TMEM132C: variants seen among roughly 807,000 people sequenced by gnomAD.
TMEM132C encodes the protein protein phosphatase 1, regulatory subunit 152.
TMEM132C carries 29 observed loss-of-function variants against 61.4 expected under a neutral mutation model. The observed-to-expected ratio is 0.47, with a 90% CI of 0.35 to 0.64. The LOEUF (loss-of-function observed/expected upper bound fraction) is 0.64. Among genes scored for constraint, TMEM132C ranks in the 30% least tolerant of loss-of-function variants. TMEM132C has a pLI of 0.00. For missense variants in TMEM132C, 1,408 were observed against 1,476.9 expected, an observed-to-expected ratio of 0.95 and a Z score of 0.76; for synonymous variants, 656 against 633.1, an observed-to-expected ratio of 1.04 and a Z score of -0.54.
intron 3 of TMEM132C, among the ~76,000 whole-genome samples, chr12:128,593,267 C>T (rs1418585609): frequency 6.6e-6 from 1 of 151,298 alleles, no homozygotes; most frequent in Non-Finnish European, 1.5e-5. Flanking sequence ...TCTTACCTCT[C>T]TCTCTTTCTT....
intron 1 of TMEM132C, among the ~76,000 whole-genome samples, chr12:128,406,968 C>T (rs1386384378): frequency 6.6e-6 from 1 of 152,208 alleles, no homozygotes; most frequent in Non-Finnish European, 1.5e-5. Context: ...AAGTGAGCAT[C>T]ATGATACCCC....
At chr12:128,669,131 T>C (rs1168358823) in intron 4 of TMEM132C, among the ~76,000 whole-genome samples, 7 of 152,214 alleles carry the variant, frequency 4.6e-5, no homozygotes, top group African/African-American at 1.7e-4. Context: ...TTACTTCCAC[T>C]TGGTCTCTGC....
intron 2 of TMEM132C, among the ~76,000 whole-genome samples, chr12:128,486,835 A>C (rs566397724): frequency 6.6e-6 from 1 of 151,180 alleles, no homozygotes; most frequent in Admixed American, 6.6e-5. Context: ...GCATCTCTTT[A>C]AGAATGTGTT....
rs375513600 is a variant in TMEM132C, at chr12:128,415,145, C to T, written c.499C>T (p.Leu167=). 2.7e-5 allele frequency: 43 copies of T among 1,610,638 alleles called. No homozygotes were observed. In the African/African-American group the frequency reaches 5.5e-4, roughly 21 times the overall value. ...GGATGACCACGGCGCCGGGGAGAAGCTGCCATGCCTGAGGGTCTTTGCTTT... is the reference window on the plus strand; with the variant it reads ...GGATGACCACGGCGCCGGGGAGAAGTTGCCATGCCTGAGGGTCTTTGCTTT... ...DWDDHGAGEK[L]PCLRVFAFRE... Residue 167 remains leucine (L), a synonymous_variant, in exon 2 of 9, where the codon CTG becomes TTG. Transcript: ENST00000435159. This position sits in a 1 kb window ranked among gnomAD's most constrained non-coding sequence, Gnocchi z 5.8.
intron 4 of TMEM132C, among the ~76,000 whole-genome samples, chr12:128,658,444 T>C (rs1202495798): frequency 6.6e-6 from 1 of 152,018 alleles, no homozygotes; most frequent in Middle Eastern, 3.2e-3. Context: ...GTCTCCAGCG[T>C]CCTCCTAACC....
intron 1 of TMEM132C, among the ~76,000 whole-genome samples, chr12:128,319,008 G>T (rs552309124): frequency 1.6e-4 from 24 of 152,248 alleles, no homozygotes; most frequent in Non-Finnish European, 2.9e-4. Context: ...ATGACAGTTG[G>T]GTGGATCTTA....
rs540067573 is a variant in TMEM132C at position 128,527,521 on chromosome 12, A to G, written c.975-16436A>G. ...TCTCAAGGAAGCCGCAGTTACCTGT[A>G]AGAAGTTAGAAGTTACTTAAGGAGC... is the stretch of plus-strand genomic sequence containing the variant. On this transcript the variant is annotated intron_variant, in intron 2 of 8. Transcript: ENST00000435159. Among the ~76,000 whole-genome samples, 4 of 152,304 alleles carry G rather than the reference A, an allele frequency of 2.6e-5. No homozygotes were observed. In the East Asian group the frequency reaches 7.7e-4, roughly 29 times the overall value.
At chr12:128,315,329 A>G (rs1327432486) in intron 1 of TMEM132C, among the ~76,000 whole-genome samples, 1 of 152,176 alleles carries the variant, frequency 6.6e-6, no homozygotes, top group Non-Finnish European at 1.5e-5. Flanking sequence ...AGGTATTGCT[A>G]AATGCGCATA....
At position 128,620,234 on chromosome 12, in the gene TMEM132C, A is replaced by G. The variant is rs568015375; in HGVS notation, c.1305+3899A>G. Among the ~76,000 whole-genome samples, 19 of 134,748 alleles carry G rather than the reference A, an allele frequency of 1.4e-4. No individual in the cohort carries two copies. The East Asian group carries it at 4.1e-3, about 29-fold the overall frequency. The allele number at this position is 134,748 out of a possible 152,430, so 88.4% of individuals were successfully genotyped here. The stretch of plus-strand genomic sequence containing the variant: ...GGCAACAGAATGAGACCCTGTCTCA[A>G]AAAAAAAAAAAAAAAAAAAAGGAAT... On this transcript the variant is annotated intron_variant, in intron 4 of 8. Coordinates refer to ENST00000435159, the MANE Select transcript of TMEM132C (RefSeq NM_001136103.3).
At chr12:128,295,792 A>C (rs1183931687) in intron 1 of TMEM132C, among the ~76,000 whole-genome samples, 1 of 152,098 alleles carries the variant, frequency 6.6e-6, no homozygotes, top group African/African-American at 2.4e-5. Flanking sequence ...AAAACCTTAA[A>C]AATTTCTCCT....
rs568424611 is a variant in TMEM132C at position 128,451,566 on chromosome 12, G to C, written c.974+35946G>C. Among the ~76,000 whole-genome samples the C allele has an allele frequency of 9.2e-5, 14 of 152,262 alleles. No individual in the cohort carries two copies. In the South Asian group the frequency reaches 2.9e-3, roughly 32 times the overall value. On this transcript the variant is annotated intron_variant, in intron 2 of 8. Coordinates refer to ENST00000435159, the MANE Select transcript of TMEM132C (RefSeq NM_001136103.3). The stretch of plus-strand genomic sequence containing the variant: ...CCACTCATTTTTCATGAGACCTATT[G>C]TTACTTGGCAGAAAATAAATACACC...
At chr12:128,356,450 A>G (rs569866602) in intron 1 of TMEM132C, among the ~76,000 whole-genome samples, 1 of 152,376 alleles carries the variant, frequency 6.6e-6, no homozygotes, top group East Asian at 1.9e-4. Flanking sequence ...CTGCAGAAAC[A>G]TAATATTAAA....
intron 2 of TMEM132C, among the ~76,000 whole-genome samples, chr12:128,481,021 G>A (rs1377721753): frequency 6.6e-6 from 1 of 152,206 alleles, no homozygotes; most frequent in Non-Finnish European, 1.5e-5. Context: ...CTGGCTCATA[G>A]TAGGTGATTA....
At position 128,668,129 on chromosome 12, in the gene TMEM132C, A is replaced by G. The variant is rs112909674; in HGVS notation, c.1306-1288A>G. 1.3e-3 allele frequency among the ~76,000 whole-genome samples: 193 copies of G among 152,244 alleles called. 1 individual carries two copies. The highest frequency in any genetic ancestry group is 0.01 in the Middle Eastern group (3 of 294). ...CTCTACAAGAAAAGTAAAAAATTAAAATGATCTGGGCATGGTGACACTTGC... is the reference window on the plus strand; with the variant it reads ...CTCTACAAGAAAAGTAAAAAATTAAGATGATCTGGGCATGGTGACACTTGC... On this transcript the variant is annotated intron_variant, in intron 4 of 8. Coordinates refer to ENST00000435159, the MANE Select transcript of TMEM132C (RefSeq NM_001136103.3).
chr12:128,557,390 C>T (rs1416924012), intron 3 of TMEM132C, among the ~76,000 whole-genome samples: 1 of 152,220 alleles, frequency 6.6e-6, no homozygotes, highest in African/African-American at 2.4e-5. Flanking sequence ...ATCAAGTTAA[C>T]AAGTCTCTCA....
chr12:128,331,096 C>G (rs1872654998), intron 1 of TMEM132C, among the ~76,000 whole-genome samples: 1 of 151,970 alleles, frequency 6.6e-6, no homozygotes, highest in South Asian at 2.1e-4. Context: ...CTCTTTCCCC[C>G]TGCCCCCCAG....
intron 3 of TMEM132C, among the ~76,000 whole-genome samples, chr12:128,576,482 A>G (rs571008125): frequency 6.6e-6 from 1 of 152,316 alleles, no homozygotes; most frequent in South Asian, 2.1e-4. Context: ...AATGGTTCCT[A>G]TCTTTTGAGT....
intron 4 of TMEM132C, among the ~76,000 whole-genome samples, chr12:128,627,283 C>T (rs188543377): frequency 7.9e-5 from 12 of 152,290 alleles, no homozygotes; most frequent in Non-Finnish European, 1.2e-4. Context: ...TGTATGTTTA[C>T]TCCCCTCCCC....
intron 2 of TMEM132C, among the ~76,000 whole-genome samples, chr12:128,454,908 A>C (rs530294881): frequency 7.2e-5 from 11 of 152,322 alleles, no homozygotes; most frequent in Non-Finnish European, 5.9e-5. Flanking sequence ...TGAAGAAGGC[A>C]GTTGATCCTG....
Sources: gnomAD v4.1 joint callset for allele counts (sites outside exome capture counted in the v4.1 genomes callset) on GRCh38, gnomAD v4.1.1 for gene constraint, Gnocchi (gnomAD v3.1) non-coding constraint, MANE v1.5 for transcripts, NCBI Gene and HGNC (gene_info 2026-07-23, HGNC 2026-07-21) for gene names.